Variants in AGBL1 observed in about 807,000 individuals in gnomAD.
The protein encoded by AGBL1 is cytosolic carboxypeptidase 4.
Under a neutral mutation model 118.9 loss-of-function variants are expected in AGBL1, and 130 were observed. The observed-to-expected ratio is 1.09, with a 90% CI of 0.95 to 1.26. The LOEUF (loss-of-function observed/expected upper bound fraction) is 1.26. Ranked by LOEUF, AGBL1 falls within the 50% of genes most tolerant of loss-of-function variation. The pLI, the probability that AGBL1 is intolerant of heterozygous loss-of-function variation, is 0.00. For synonymous variants in AGBL1, 555 were observed against 478.9 expected (o/e 1.16, Z -2.08); for missense variants, 1,584 against 1,298.1 (o/e 1.22, Z -3.38).
chr15:86,191,918 C>CA (rs139184059), intron 5 of AGBL1, among the ~76,000 whole-genome samples: 8,827 of 144,588 alleles, frequency 0.061, 877 homozygotes, highest in African/African-American at 0.21. Flanking sequence ...AAAAAAAAAA[C>CA]AAAAAAAACC....
intron 5 of AGBL1, among the ~76,000 whole-genome samples, chr15:86,184,950 G>A (rs1031953362): frequency 6.6e-6 from 1 of 152,106 alleles, no homozygotes; most frequent in Admixed American, 6.6e-5. Context: ...CACAGCAAAA[G>A]AAACTACCAT....
intron 1 of AGBL1, among the ~76,000 whole-genome samples, chr15:86,111,765 C>T (rs1897398941): frequency 6.6e-6 from 1 of 152,186 alleles, no homozygotes; most frequent in African/African-American, 2.4e-5. Context: ...ACCCCCGGGC[C>T]ACAGACTGGT....
chr15:86,923,085 C>T (rs1172838392), intron 23 of AGBL1, among the ~76,000 whole-genome samples: 1 of 152,184 alleles, frequency 6.6e-6, no homozygotes, highest in Non-Finnish European at 1.5e-5. Context: ...GGCAGGGATG[C>T]AATCGCTGAA....
chr15:87,014,700 A>G (rs2081592547), intron 24 of AGBL1, among the ~76,000 whole-genome samples: 1 of 152,166 alleles, frequency 6.6e-6, no homozygotes, highest in Non-Finnish European at 1.5e-5. Context: ...TTATTCCTGA[A>G]CATTTTAAAT....
intron 21 of AGBL1, among the ~76,000 whole-genome samples, chr15:86,629,275 G>C (rs2084931445): frequency 6.6e-6 from 1 of 152,068 alleles, no homozygotes; most frequent in Non-Finnish European, 1.5e-5. Context: ...AAAAAAATGT[G>C]TTTATTTTGC....
chr15:86,990,533 G>T (rs1013053790), intron 24 of AGBL1, among the ~76,000 whole-genome samples: 2 of 152,122 alleles, frequency 1.3e-5, no homozygotes, highest in African/African-American at 4.8e-5. Context: ...AAAGAGAAAG[G>T]TTTGGGTTCT....
At chr15:86,734,399 G>C (rs1466786632) in intron 22 of AGBL1, among the ~76,000 whole-genome samples, 1 of 152,030 alleles carries the variant, frequency 6.6e-6, no homozygotes, top group Non-Finnish European at 1.5e-5. Context: ...ATAGCAGGGA[G>C]TGACAAGGAG....
chr15:86,508,736 T>C (rs2083014998), intron 18 of AGBL1, among the ~76,000 whole-genome samples: 1 of 152,160 alleles, frequency 6.6e-6, no homozygotes, highest in African/African-American at 2.4e-5. Flanking sequence ...ATGATGAGTA[T>C]TGAAGCAGAT....
chr15:86,881,531 T>C (rs1281223156), intron 22 of AGBL1, among the ~76,000 whole-genome samples: 4 of 152,230 alleles, frequency 2.6e-5, no homozygotes, highest in Non-Finnish European at 5.9e-5. Flanking sequence ...CCTTATTTCA[T>C]TCTGTACACC....
intron 5 of AGBL1, among the ~76,000 whole-genome samples, chr15:86,222,015 C>T (rs1345546402): frequency 6.6e-6 from 1 of 152,234 alleles, no homozygotes; most frequent in East Asian, 1.9e-4. Flanking sequence ...GTTCAGTTTC[C>T]AAACTAATCA....
At chr15:86,715,104 G>A (rs1393590457) in intron 22 of AGBL1, among the ~76,000 whole-genome samples, 1 of 152,158 alleles carries the variant, frequency 6.6e-6, no homozygotes, top group Non-Finnish European at 1.5e-5. Flanking sequence ...AGGAAGGGGA[G>A]ATGTAAGAAA....
intron 22 of AGBL1, among the ~76,000 whole-genome samples, chr15:86,890,761 T>A (rs186646265): frequency 1.6e-4 from 24 of 152,316 alleles, no homozygotes; most frequent in Middle Eastern, 3.4e-3. Context: ...TCTGTTTTGG[T>A]ACCAGTACCA....
intron 22 of AGBL1, among the ~76,000 whole-genome samples, chr15:86,813,231 G>T (rs1477889505): frequency 6.6e-6 from 1 of 152,008 alleles, no homozygotes; most frequent in Non-Finnish European, 1.5e-5. Flanking sequence ...TGTGGAGGGA[G>T]AGGTTAGTAG....
intron 15 of AGBL1, among the ~76,000 whole-genome samples, chr15:86,277,275 G>GGA (rs770220243): frequency 3.2e-4 from 37 of 114,280 alleles, no homozygotes; most frequent in Non-Finnish European, 4.8e-4. Flanking sequence ...TAGCATGTTA[G>GGA]GAGAGAGAGA....
At chr15:86,124,191 A>G (rs1464027108) in intron 1 of AGBL1, among the ~76,000 whole-genome samples, 1 of 151,968 alleles carries the variant, frequency 6.6e-6, no homozygotes, top group Admixed American at 6.6e-5. Flanking sequence ...GTAGCGGGGC[A>G]TGGTGGCAGG....
At chr15:86,126,905 A>G (rs1898469385) in intron 1 of AGBL1, among the ~76,000 whole-genome samples, 1 of 152,192 alleles carries the variant, frequency 6.6e-6, no homozygotes, top group Admixed American at 6.5e-5. Flanking sequence ...TGCTTTGAAG[A>G]TGAGATTTGC....
intron 18 of AGBL1, among the ~76,000 whole-genome samples, chr15:86,430,894 G>A (rs577944543): frequency 2.6e-5 from 4 of 152,148 alleles, no homozygotes; most frequent in Admixed American, 2.0e-4. Flanking sequence ...ATAGTTTCTA[G>A]CATTTTATAC....
At chr15:86,355,468 A>G (rs184383375) in intron 17 of AGBL1, among the ~76,000 whole-genome samples, 1 of 152,252 alleles carries the variant, frequency 6.6e-6, no homozygotes, top group Admixed American at 6.5e-5. Context: ...AAGAGATTCC[A>G]TGTGTGAAAT....
chr15:86,931,922 A>T (rs2080611332), intron 23 of AGBL1, among the ~76,000 whole-genome samples: 1 of 152,222 alleles, frequency 6.6e-6, no homozygotes, highest in African/African-American at 2.4e-5. Flanking sequence ...GTAAAAAAAA[A>T]TCAAGTGTGA....
Sources: allele counts gnomAD v4.1 joint callset (sites outside exome capture counted in the v4.1 genomes callset), GRCh38; gene constraint gnomAD v4.1.1; transcripts MANE v1.5; gene names NCBI Gene and HGNC (gene_info 2026-07-23, HGNC 2026-07-21).